Variants in PRKCB observed in about 807,000 individuals in gnomAD.
The protein encoded by PRKCB is protein kinase C beta, also known as protein kinase C beta type.
In PRKCB, 13 loss-of-function variants were observed where a neutral mutation model predicts 81.5. The ratio of observed to expected loss-of-function variants is 0.16; its 90% CI spans 0.10 to 0.25. The LOEUF (loss-of-function observed/expected upper bound fraction) is 0.25, where lower values mean the gene tolerates loss of function less well. Among genes scored for constraint, PRKCB ranks in the 10% least tolerant of loss-of-function variants. The pLI, the probability that PRKCB is intolerant of heterozygous loss-of-function variation, is 1.00. For synonymous variants in PRKCB, 335 were observed against 321.4 expected (o/e 1.04, Z -0.45); for missense variants, 509 against 875.7 (o/e 0.58, Z 5.29).
intron 2 of PRKCB, among the ~76,000 whole-genome samples, chr16:23,988,078 G>A (rs1004981485): frequency 3.3e-5 from 5 of 152,116 alleles, no homozygotes; most frequent in African/African-American, 1.2e-4. Context: ...GACCCTCATC[G>A]TATGAACACC....
At chr16:23,839,111 T>C (rs1169821157) in intron 2 of PRKCB, among the ~76,000 whole-genome samples, 2 of 152,104 alleles carry the variant, frequency 1.3e-5, no homozygotes, top group African/African-American at 4.8e-5. Flanking sequence ...TGCTCTGCTG[T>C]TATTGATGGA....
At chr16:24,164,509 T>C (rs1967312712) in intron 10 of PRKCB, among the ~76,000 whole-genome samples, 1 of 152,208 alleles carries the variant, frequency 6.6e-6, no homozygotes. Context: ...AGAAGCCCTT[T>C]AAAGTCAAGC....
chr16:23,912,692 T>C (rs1475979664), intron 2 of PRKCB, among the ~76,000 whole-genome samples: 5 of 150,970 alleles, frequency 3.3e-5, no homozygotes, highest in African/African-American at 1.2e-4. Flanking sequence ...TTTGTATTTT[T>C]AGTATAGATG....
At chr16:23,905,091 T>G (rs368932089) in intron 2 of PRKCB, among the ~76,000 whole-genome samples, 1 of 149,888 alleles carries the variant, frequency 6.7e-6, no homozygotes, top group East Asian at 2.0e-4. Flanking sequence ...GGAGTCTTGC[T>G]TGCTGACTTA....
intron 2 of PRKCB, among the ~76,000 whole-genome samples, chr16:23,945,351 G>A (rs1410583366): frequency 6.6e-6 from 1 of 152,222 alleles, no homozygotes; most frequent in East Asian, 1.9e-4. Context: ...AATAATGTGT[G>A]TGATCCTTCC....
At chr16:24,199,518 T>C (rs1967925289) in intron 16 of PRKCB, among the ~76,000 whole-genome samples, 1 of 152,208 alleles carries the variant, frequency 6.6e-6, no homozygotes. Flanking sequence ...GAAAAGGATC[T>C]AACACTTACT....
chr16:24,001,769 G>A (rs1381525888), intron 3 of PRKCB, among the ~76,000 whole-genome samples: 1 of 152,118 alleles, frequency 6.6e-6, no homozygotes. Context: ...TGATTACAAA[G>A]AAGAAATAAA....
intron 2 of PRKCB, among the ~76,000 whole-genome samples, chr16:23,879,376 C>T (rs1457472319): frequency 6.6e-6 from 1 of 151,906 alleles, no homozygotes; most frequent in Non-Finnish European, 1.5e-5. Context: ...TTCAGCAATA[C>T]TCAACCTTGA....
chr16:23,953,942 C>T (rs919711531), intron 2 of PRKCB, among the ~76,000 whole-genome samples: 1 of 151,038 alleles, frequency 6.6e-6, no homozygotes, highest in African/African-American at 2.4e-5. Context: ...GATCTCAGCT[C>T]ACTGCAACCT....
rs1485313498 is a variant in PRKCB at position 24,168,554 on chromosome 16, T to C, written c.1240-3716T>C. On this transcript the variant is annotated intron_variant, in intron 10 of 16. Transcript: ENST00000643927. ...TTTCTTCTTCTACTTTTTTTTTTTTTTTTTTTTTTTTTTTTTGAGACAGTT... is the reference window on the plus strand; with the variant it reads ...TTTCTTCTTCTACTTTTTTTTTTTTCTTTTTTTTTTTTTTTTGAGACAGTT... 7.4e-3 allele frequency among the ~76,000 whole-genome samples: 712 copies of C among 95,840 alleles called. 12 individuals carry two copies. The highest frequency in any genetic ancestry group is 0.026 in the African/African-American group (662 of 25,596). 62.9% of individuals were successfully genotyped at this position (95,840 alleles called of 152,430 possible).
chr16:24,022,741 C>A (rs1965422867), intron 3 of PRKCB, among the ~76,000 whole-genome samples: 1 of 152,234 alleles, frequency 6.6e-6, no homozygotes, highest in South Asian at 2.1e-4. Context: ...GATCCGCCTG[C>A]CTCGGACTCC....
intron 2 of PRKCB, among the ~76,000 whole-genome samples, chr16:23,971,954 G>A (rs772969951): frequency 2.6e-5 from 4 of 152,016 alleles, no homozygotes; most frequent in Non-Finnish European, 4.4e-5. Flanking sequence ...CACAAAAAAT[G>A]AATGAATAAA....
At chr16:24,089,276 A>G (rs994432604) in intron 5 of PRKCB, among the ~76,000 whole-genome samples, 1 of 152,164 alleles carries the variant, frequency 6.6e-6, no homozygotes, top group African/African-American at 2.4e-5. Context: ...GACTTAGGGA[A>G]TCAGAATCTA....
chr16:24,068,896 G>A (rs773785535), intron 5 of PRKCB, among the ~76,000 whole-genome samples: 1 of 152,212 alleles, frequency 6.6e-6, no homozygotes, highest in Non-Finnish European at 1.5e-5. Context: ...AGATAGTGAA[G>A]TAAAGGTTGC....
intron 2 of PRKCB, among the ~76,000 whole-genome samples, chr16:23,870,009 G>A (rs998432708): frequency 6.9e-6 from 1 of 144,488 alleles, no homozygotes; most frequent in Non-Finnish European, 1.5e-5. Flanking sequence ...GCGACAGAGT[G>A]AGACTCCATC....
At chr16:23,853,034 G>A (rs1222682290) in intron 2 of PRKCB, among the ~76,000 whole-genome samples, 1 of 152,148 alleles carries the variant, frequency 6.6e-6, no homozygotes, top group African/African-American at 2.4e-5. Context: ...GGGAACATCT[G>A]CTTCCTGTTT....
chr16:24,167,991 A>G (rs1280010806), intron 10 of PRKCB, among the ~76,000 whole-genome samples: 1 of 152,232 alleles, frequency 6.6e-6, no homozygotes, highest in African/African-American at 2.4e-5. Context: ...TAAGTACCCA[A>G]GAAAGCTTAA....
At chr16:23,880,366 C>T (rs1430966937) in intron 2 of PRKCB, among the ~76,000 whole-genome samples, 1 of 152,148 alleles carries the variant, frequency 6.6e-6, no homozygotes, top group Non-Finnish European at 1.5e-5. Context: ...GTGAACATTG[C>T]TTCCTGCCTC....
chr16:23,930,790 C>T (rs1431611529), intron 2 of PRKCB, among the ~76,000 whole-genome samples: 1 of 152,126 alleles, frequency 6.6e-6, no homozygotes, highest in African/African-American at 2.4e-5. Flanking sequence ...ATACACGACA[C>T]ATAGATAACA....
Sources: allele counts gnomAD v4.1 joint callset (sites outside exome capture counted in the v4.1 genomes callset), GRCh38; gene constraint gnomAD v4.1.1; transcripts MANE v1.5; gene names NCBI Gene and HGNC (gene_info 2026-07-23, HGNC 2026-07-21).